Variants in TULP4 observed in about 807,000 individuals in gnomAD.
The protein encoded by TULP4 is tubby-related protein 4.
A neutral mutation model predicts 129.0 loss-of-function variants in TULP4; 16 were observed. The ratio of observed to expected loss-of-function variants is 0.12; its 90% CI spans 0.08 to 0.19. TULP4 has a LOEUF of 0.19. Ranked by LOEUF, TULP4 falls within the 10% of genes least tolerant of loss-of-function variation. TULP4 has a pLI of 1.00. For synonymous variants in TULP4, 998 were observed against 854.0 expected (o/e 1.17, Z -2.94); for missense variants, 1,842 against 2,059.1 (o/e 0.89, Z 2.04).
rs148346817 is a variant in TULP4 at position 158,369,144 on chromosome 6, G to A, written c.253-43921G>A. ...CTTTATTTTATGCAGCTTTTATTTT[G>A]TTATAATGTCTTACAGGGAATGTCA... On this transcript the variant is annotated intron_variant, in intron 1 of 13. Transcript: ENST00000367097. Among the ~76,000 whole-genome samples the A allele has an allele frequency of 2.8e-3, 428 of 152,218 alleles. 8 individuals are homozygous for A. Among genetic ancestry groups the A allele is most frequent in the African/African-American group, 9.9e-3 (412 of 41,536 alleles).
At position 158,429,837 on chromosome 6, in the gene TULP4, A is replaced by G. The variant is rs183782944; in HGVS notation, c.483A>G (p.Ser161=). 3 of 1,614,172 alleles carry G rather than the reference A, an allele frequency of 1.9e-6. No individual in the cohort carries two copies. Among genetic ancestry groups the G allele is most frequent in the East Asian group, 2.2e-5 (1 of 44,878 alleles). The part of the protein sequence containing the change: ...VGSVSGQRHW[S]SEINLESQIT... ...CTGTCAGTGGACAAAGACACTGGTC[A>G]TCCGAAATCAACTTGGAAAGTCAAA... Residue 161 remains serine, a synonymous_variant, in exon 3 of 14, where the codon TCA becomes TCG. Coordinates refer to ENST00000367097, the MANE Select transcript of TULP4 (RefSeq NM_020245.5).
rs145523817 is a variant in TULP4, at chr6:158,493,666, G to T, written c.1725G>T (p.Val575=). Residue 575 remains valine (V), a synonymous_variant, in exon 10 of 14, where the codon GTG becomes GTT. Coordinates refer to ENST00000367097, the MANE Select transcript of TULP4 (RefSeq NM_020245.5). The surrounding 1 kb of genome is among the most constrained non-coding windows in gnomAD (Gnocchi z 4.4). The part of the protein sequence containing the change: ...SPRLPLRKPS[V]GSPSLTRREF... ...GGTTGCCCCTGCGCAAGCCCTCTGT[G>T]GGCTCGCCCAGCCTGACTCGGAGAG... The T allele has an allele frequency of 6.3e-6, 10 of 1,597,118 alleles. No individual in the cohort carries two copies. In the African/African-American group the frequency reaches 1.4e-4, roughly 22 times the overall value.
rs71030149 is a variant in TULP4, at chr6:158,236,795, C to CTTTTTTTTTTT, written n.68+4518_68+4528dup. Among the ~76,000 whole-genome samples the CTTTTTTTTTTT allele has an allele frequency of 1.3e-3, 81 of 63,274 alleles. 16 individuals carry two copies. The highest frequency in any genetic ancestry group is 2.9e-3 in the East Asian group (9 of 3,080). 41.5% of individuals were successfully genotyped at this position (63,274 alleles called of 152,430 possible). On this transcript the variant is annotated intron_variant and non_coding_transcript_variant, in intron 1 of 1. Transcript: ENST00000620026. ...AGATGGGTAAATGCCCAATTCTTTT[C>CTTTTTTTTTTT]TTTTTTTTTTTTTTTTTTTTTTTTT... is the stretch of plus-strand genomic sequence containing the variant.
intron 1 of TULP4, among the ~76,000 whole-genome samples, chr6:158,343,489 A>G (rs1780233518): frequency 6.6e-6 from 1 of 152,120 alleles, no homozygotes; most frequent in Admixed American, 6.5e-5. Context: ...GGCTTTGGGA[A>G]GTGATTTGGG....
rs946002209 is a variant in TULP4 at position 158,509,718 on chromosome 6, G to C, written c.*3024G>C. ...TGAGTTTGTATGAGTTTGTACCGGA[G>C]TGACCCCGGCAGCCACTGCCCACCT... On this transcript the variant is annotated 3_prime_UTR_variant, in exon 14 of 14. Transcript: ENST00000367097. 6.6e-6 allele frequency: 1 copy of C among 152,222 alleles called. No homozygotes were observed. The highest frequency in any genetic ancestry group is 2.4e-5 in the African/African-American group (1 of 41,448). 9.4% of individuals were successfully genotyped at this position (152,222 alleles called of 1,614,324 possible).
chr6:158,443,898 G>A (rs1488059490), intron 3 of TULP4, among the ~76,000 whole-genome samples: 1 of 152,136 alleles, frequency 6.6e-6, no homozygotes, highest in Non-Finnish European at 1.5e-5. Flanking sequence ...CTGAAGGCCA[G>A]TATTCTGAAA....
chr6:158,362,350 A>AT (rs61368718), intron 1 of TULP4, among the ~76,000 whole-genome samples: 10 of 150,428 alleles, frequency 6.6e-5, no homozygotes, highest in African/African-American at 2.0e-4. Context: ...ACATTGAAGG[A>AT]TTTTTTTTTT....
rs1385285708 is a variant in TULP4, at chr6:158,312,569, G to A, written c.-1448G>A. 6.5e-6 allele frequency: 1 copy of A among 154,040 alleles called. No homozygotes were observed. The highest frequency in any genetic ancestry group is 2.4e-5 in the African/African-American group (1 of 41,526). 9.5% of individuals were successfully genotyped at this position (154,040 alleles called of 1,614,324 possible). ...AGACTGAAAAGTAACTCCTACTGTGGTTATGGCTAGAGGAAAGCAAGTTCA... is the reference window on the plus strand; with the variant it reads ...AGACTGAAAAGTAACTCCTACTGTGATTATGGCTAGAGGAAAGCAAGTTCA... On this transcript the variant is annotated 5_prime_UTR_variant, in exon 1 of 14. Transcript: ENST00000367097.
At chr6:158,470,320 T>C (rs141607456) in intron 6 of TULP4, among the ~76,000 whole-genome samples, 462 of 152,212 alleles carry the variant, frequency 3.0e-3, no homozygotes, top group Middle Eastern at 0.014. Flanking sequence ...AAGAGTGCAG[T>C]TGCAAGATTT....
intron 1 of TULP4, among the ~76,000 whole-genome samples, chr6:158,264,018 G>A (rs1404375774): frequency 6.6e-6 from 1 of 152,116 alleles, no homozygotes; most frequent in East Asian, 1.9e-4. Flanking sequence ...AGCCAAGATT[G>A]CACCACTGCA....
chr6:158,448,214 G>A (rs1006777499), intron 3 of TULP4, among the ~76,000 whole-genome samples: 1 of 152,166 alleles, frequency 6.6e-6, no homozygotes. Flanking sequence ...ATGCTCCTGA[G>A]TATGTGCTCT....
rs1779427522 is a variant in TULP4, at chr6:158,313,997, AACAGTTC to A, written c.-18_-12del. The A allele has an allele frequency of 6.2e-7, 1 of 1,607,488 alleles. No individual in the cohort carries two copies. The highest frequency in any genetic ancestry group is 1.7e-5 in the Admixed American group (1 of 59,702). ...AGCATTAACATTACTTTTTAAGTAA[AACAGTTC>A]ATTGAAGAAAGTATGTATGCAGCAG... is the stretch of plus-strand genomic sequence containing the variant. On this transcript the variant is annotated 5_prime_UTR_variant, in exon 1 of 14. Coordinates refer to ENST00000367097, the MANE Select transcript of TULP4 (RefSeq NM_020245.5).
chr6:158,409,219 CTA>C (rs1778032775), intron 1 of TULP4, among the ~76,000 whole-genome samples: 3 of 152,164 alleles, frequency 2.0e-5, no homozygotes, highest in Admixed American at 2.0e-4. Context: ...CAGTTCTGCC[CTA>C]TGTTTTTTTG....
upstream of TULP4, among the ~76,000 whole-genome samples, chr6:158,309,311 G>A (rs1308193021): frequency 2.1e-5 from 3 of 141,712 alleles, no homozygotes; most frequent in East Asian, 4.3e-4. Flanking sequence ...GGGCAGAGGC[G>A]CTCCCCACAT....
chr6:158,479,782 G>A lies in TULP4; in HGVS notation c.1058G>A (p.Arg353Gln), dbSNP rs369096090. The A allele has an allele frequency of 1.9e-6, 3 of 1,613,812 alleles. No homozygotes were observed. Among genetic ancestry groups the A allele is most frequent in the African/African-American group, 1.3e-5 (1 of 74,918 alleles). Reference sequence around the variant, plus strand: ...ATCATCTCCATCTGCTGGGGTCACCGGGATTCGAGGCTGTTGATGGCATCA... The same window carrying A: ...ATCATCTCCATCTGCTGGGGTCACCAGGATTCGAGGCTGTTGATGGCATCA... The part of the protein sequence containing the change: ...RPIISICWGH[R>Q]DSRLLMASGP... Residue 353 changes from arginine to glutamine, a missense_variant, in exon 7 of 14, where the codon CGG becomes CAG. Physicochemically the swap from Arg to Gln is conservative, Grantham distance 43. Transcript: ENST00000367097.
rs751825544 is a variant in TULP4, at chr6:158,503,094, G to A, written c.3431G>A (p.Gly1144Glu). 5.0e-6 allele frequency: 8 copies of A among 1,614,114 alleles called. No individual in the cohort carries two copies. The Admixed American group carries it at 1.3e-4, about 27-fold the overall frequency. The stretch of plus-strand genomic sequence containing the variant: ...CAAGAAAGGACAGCACAGACTTCAG[G>A]GCCCAACCCCTTAAAACTGTCCTCT... ...VPQERTAQTS[G>E]PNPLKLSSLM... is the part of the protein sequence containing the mutation. Residue 1144 changes from glycine (G) to glutamate (E), a missense_variant, in exon 13 of 14, where the codon GGG becomes GAG. Physicochemically the swap from Gly to Glu is moderately conservative, Grantham distance 98 (BLOSUM62 -2). Coordinates refer to ENST00000367097, the MANE Select transcript of TULP4 (RefSeq NM_020245.5). This position sits in a 1 kb window ranked among gnomAD's most constrained non-coding sequence, Gnocchi z 4.3.
intron 1 of TULP4, among the ~76,000 whole-genome samples, chr6:158,410,527 A>T (rs1778074160): frequency 6.6e-6 from 1 of 152,202 alleles, no homozygotes; most frequent in African/African-American, 2.4e-5. Context: ...CGTGTTCTTA[A>T]TTTGTCATGT....
In TULP4 at chr6:158,248,285, CT is replaced by C. The variant is rs200728486; in HGVS notation, n.68+15984del. 9.1e-3 allele frequency among the ~76,000 whole-genome samples: 1,351 copies of C among 149,200 alleles called. 17 individuals carry two copies. The highest frequency in any genetic ancestry group is 0.032 in the African/African-American group (1,299 of 40,714). ...AGCCAGGCCTCGTCTTTTTTTTTTT[CT>C]TGAGACGGAGTCTCGCTCTGTTGCC... On this transcript the variant is annotated intron_variant and non_coding_transcript_variant, in intron 1 of 1. Coordinates refer to the TULP4 transcript ENST00000620026.
intron 1 of TULP4, among the ~76,000 whole-genome samples, chr6:158,378,487 G>A (rs796070088): frequency 8.9e-4 from 28 of 31,456 alleles, no homozygotes; most frequent in African/African-American, 7.2e-3. Flanking sequence ...TTTTTTTTTG[G>A]TGGGGGTGGG....
Sources: gnomAD v4.1 joint callset for allele counts (sites outside exome capture counted in the v4.1 genomes callset) on GRCh38, gnomAD v4.1.1 for gene constraint, Gnocchi (gnomAD v3.1) non-coding constraint, MANE v1.5 for transcripts, NCBI Gene and HGNC (gene_info 2026-07-23, HGNC 2026-07-21) for gene names.